Variants in CCDC73 observed in about 807,000 individuals in gnomAD.
The protein encoded by CCDC73 is coiled-coil domain-containing protein 73.
In CCDC73, 95 loss-of-function variants were observed where a neutral mutation model predicts 116.5. The ratio of observed to expected loss-of-function variants is 0.82; its 90% CI spans 0.69 to 0.97. The LOEUF (loss-of-function observed/expected upper bound fraction) is 0.97, where lower values mean the gene tolerates loss of function less well. Ranked by LOEUF, CCDC73 falls within the 50% of genes least tolerant of loss-of-function variation. The probability of loss-of-function intolerance (pLI) is 0.00; values close to 1 mark genes in which losing one functional copy is unlikely to be tolerated. For missense variants in CCDC73, 1,066 were observed against 1,206.8 expected (o/e 0.88, Z 1.73); for synonymous variants, 398 against 401.3 (o/e 0.99, Z 0.10).
intron 2 of CCDC73, among the ~76,000 whole-genome samples, chr11:32,754,149 A>G (rs1043159949): frequency 1.3e-5 from 2 of 152,202 alleles, no homozygotes; most frequent in African/African-American, 4.8e-5. Flanking sequence ...TTTTTCTTAA[A>G]TATATAACTT....
At chr11:32,678,868 G>A (rs1230858172) in intron 7 of CCDC73, among the ~76,000 whole-genome samples, 1 of 125,992 alleles carries the variant, frequency 7.9e-6, no homozygotes, top group Non-Finnish European at 1.6e-5. Context: ...GGGTGACAGA[G>A]CAAGGCTCCG....
At chr11:32,729,286 C>T (rs1565086534) in intron 2 of CCDC73, among the ~76,000 whole-genome samples, 1 of 152,186 alleles carries the variant, frequency 6.6e-6, no homozygotes, top group African/African-American at 2.4e-5. Flanking sequence ...TTTTCTGTTG[C>T]TGCATTACTT....
chr11:32,677,972 A>C (rs980146109), intron 7 of CCDC73, among the ~76,000 whole-genome samples: 9 of 149,404 alleles, frequency 6.0e-5, no homozygotes, highest in Admixed American at 6.7e-5. Context: ...AAAAAAAAAA[A>C]AAAAAAACCC....
At chr11:32,689,334 G>A (rs1856233162) in intron 6 of CCDC73, among the ~76,000 whole-genome samples, 1 of 152,024 alleles carries the variant, frequency 6.6e-6, no homozygotes, top group Admixed American at 6.6e-5. Flanking sequence ...TCTGTAGGAA[G>A]AATTCCACAA....
At chr11:32,638,000 A>G (rs1304274764) in intron 13 of CCDC73, among the ~76,000 whole-genome samples, 1 of 152,132 alleles carries the variant, frequency 6.6e-6, no homozygotes, top group African/African-American at 2.4e-5. Context: ...CACATTCCTT[A>G]AGCTAGTTAA....
chr11:32,702,545 G>A (rs775972459), intron 4 of CCDC73, among the ~76,000 whole-genome samples: 1 of 151,964 alleles, frequency 6.6e-6, no homozygotes, highest in African/African-American at 2.4e-5. Context: ...CAAGAGCCTA[G>A]GAAGTTCTAA....
chr11:32,806,123 C>T, the CCDC73 span, among the ~76,000 whole-genome samples: 1 of 152,350 alleles, frequency 6.6e-6, no homozygotes, highest in African/African-American at 2.4e-5. Context: ...GTTTAACTCA[C>T]ATTGCCCTAT....
chr11:32,671,022 A>T lies in CCDC73; in HGVS notation c.645+4543T>A, dbSNP rs188677328. On this transcript the variant is annotated intron_variant, in intron 9 of 17. Coordinates refer to ENST00000335185, the MANE Select transcript of CCDC73 (RefSeq NM_001008391.4). ...CTGAAAAACATGCTTTTGATTTTATAGACTTTATAAGCCTTTAAATATCCT... is the reference window on the plus strand; with the variant it reads ...CTGAAAAACATGCTTTTGATTTTATTGACTTTATAAGCCTTTAAATATCCT... Among the ~76,000 whole-genome samples the T allele has an allele frequency of 6.6e-5, 10 of 152,334 alleles. No homozygotes were observed. The East Asian group carries it at 1.7e-3, about 26-fold the overall frequency.
At chr11:32,816,437 T>G in the CCDC73 span, among the ~76,000 whole-genome samples, 4 of 152,208 alleles carry the variant, frequency 2.6e-5, no homozygotes, top group African/African-American at 4.8e-5. Flanking sequence ...TGAGTAATTT[T>G]TATATTTTCC....
intron 9 of CCDC73, among the ~76,000 whole-genome samples, chr11:32,670,632 A>C (rs2133282401): frequency 6.6e-6 from 1 of 152,300 alleles, no homozygotes; most frequent in South Asian, 2.1e-4. Context: ...TAAAACTTAT[A>C]TTTGGATAAA....
intron 9 of CCDC73, among the ~76,000 whole-genome samples, chr11:32,670,276 A>G (rs987282335): frequency 2.6e-5 from 4 of 152,168 alleles, no homozygotes; most frequent in Admixed American, 6.5e-5. Context: ...TAATCCCAGC[A>G]CTTTGGGAGG....
intron 6 of CCDC73, among the ~76,000 whole-genome samples, chr11:32,693,034 T>G (rs1856274842): frequency 6.6e-6 from 1 of 152,198 alleles, no homozygotes; most frequent in Non-Finnish European, 1.5e-5. Context: ...TGGAACACAT[T>G]GAAAGAATTC....
chr11:32,793,125 G>A (rs907352145), intron 1 of CCDC73, among the ~76,000 whole-genome samples: 1 of 152,216 alleles, frequency 6.6e-6, no homozygotes, highest in Non-Finnish European at 1.5e-5. Flanking sequence ...ACGATATGAA[G>A]CCGTATGGAA....
the CCDC73 span, among the ~76,000 whole-genome samples, chr11:32,819,433 G>T: frequency 6.6e-6 from 1 of 150,992 alleles, no homozygotes. Context: ...TAGCCAATGA[G>T]TGTGTAAAAA....
At chr11:32,645,291 C>CTTTTTTTTT (rs397689348) in intron 12 of CCDC73, among the ~76,000 whole-genome samples, 2 of 121,082 alleles carry the variant, frequency 1.7e-5, no homozygotes, top group African/African-American at 3.1e-5. Context: ...TTTTCTTTTT[C>CTTTTTTTTT]TTTTTTTTTT....
At chr11:32,630,451 C>T (rs511851) in intron 14 of CCDC73, among the ~76,000 whole-genome samples, 1 of 151,918 alleles carries the variant, frequency 6.6e-6, no homozygotes, top group African/African-American at 2.4e-5. Context: ...TCAAGTGATT[C>T]TCCTGCCTCA....
At chr11:32,694,770 A>G (rs1565077875) in intron 6 of CCDC73, among the ~76,000 whole-genome samples, 1 of 152,178 alleles carries the variant, frequency 6.6e-6, no homozygotes, top group Non-Finnish European at 1.5e-5. Context: ...TTCAAGATAC[A>G]CCAAGAAAAA....
At chr11:32,653,303 T>G (rs1855843483) in intron 11 of CCDC73, 76 bp from the exon 12 acceptor site, 6 of 903,652 alleles carry the variant, frequency 6.6e-6, no homozygotes, top group Non-Finnish European at 8.6e-6. Flanking sequence ...TCACATACAT[T>G]TTCTAGTTTC....
chr11:32,614,665 A>T lies in CCDC73; in HGVS notation c.1653T>A (p.His551Gln). 1 of 1,613,042 alleles carries T rather than the reference A, an allele frequency of 6.2e-7. No individual in the cohort carries two copies. Among genetic ancestry groups the T allele is most frequent in the East Asian group, 2.2e-5 (1 of 44,794 alleles). ...LDTAIETEKIHLERTRGLDVH... is the reference protein window; with the variant it reads ...LDTAIETEKIQLERTRGLDVH... The stretch of plus-strand genomic sequence containing the variant: ...CATCTAATCCTCTGGTTCTTTCTAG[A>T]TGTATTTTTTCTGTTTCTATTGCTG... The change falls in exon 16 of 18, where the codon CAT becomes CAA. Residue 551 changes from histidine to glutamine, a missense_variant. By Grantham distance (24) the His-to-Gln change is conservative. Transcript: ENST00000335185.
Sources: gnomAD v4.1 joint callset for allele counts (sites outside exome capture counted in the v4.1 genomes callset) on GRCh38, gnomAD v4.1.1 for gene constraint, MANE v1.5 for transcripts, NCBI Gene and HGNC (gene_info 2026-07-23, HGNC 2026-07-21) for gene names.